The following RSPO3 variants were observed in gnomAD, a reference collection of about 807,000 sequenced individuals.
RSPO3 encodes R-spondin-3.
RSPO3 carries 17 observed loss-of-function variants against 36.5 expected under a neutral mutation model. The ratio of observed to expected loss-of-function variants is 0.47; its 90% CI spans 0.32 to 0.70. The LOEUF (loss-of-function observed/expected upper bound fraction) is 0.70, where lower values mean the gene tolerates loss of function less well. RSPO3 is among the 30% of genes least tolerant of loss of function. The pLI, the probability that RSPO3 is intolerant of heterozygous loss-of-function variation, is 0.04. For missense variants in RSPO3, 294 were observed against 322.5 expected (o/e 0.91, Z 0.68); for synonymous variants, 108 against 107.0 (o/e 1.01, Z -0.06).
intron 2 of RSPO3, 62 bp downstream of exon 2, chr6:127,148,901 G>T: frequency 8.1e-7 from 1 of 1,234,980 alleles, no homozygotes; most frequent in Non-Finnish European, 1.1e-6. Flanking sequence ...AGATTGAAAT[G>T]GCCTCTAATA....
intron 1 of RSPO3, among the ~76,000 whole-genome samples, chr6:127,145,537 ATATC>A (rs1774367737): frequency 6.6e-6 from 1 of 152,020 alleles, no homozygotes; most frequent in African/African-American, 2.4e-5. Context: ...GTTATTCCTT[ATATC>A]TTCATTCCCC....
intron 4 of RSPO3, among the ~76,000 whole-genome samples, chr6:127,183,528 C>T (rs1775230955): frequency 6.6e-6 from 1 of 151,986 alleles, no homozygotes; most frequent in South Asian, 2.1e-4. Context: ...GCATCTCTGT[C>T]TATGCCTGTC....
At chr6:127,153,397 T>G (rs1359896022) in intron 3 of RSPO3, among the ~76,000 whole-genome samples, 1 of 152,082 alleles carries the variant, frequency 6.6e-6, no homozygotes, top group East Asian at 1.9e-4. Flanking sequence ...ATTATAGGTT[T>G]ATTCTACAGT....
Position 127,197,321 on chromosome 6 carries a change from C to A in RSPO3, c.*1314C>A. ...TCCCTAGCTGATTTCACTGCTCCCC[C>A]TTCATTGCTTAGAAATGGGCATCAT... On this transcript the variant is annotated 3_prime_UTR_variant, in exon 5 of 5. Transcript: ENST00000356698. The A allele has an allele frequency of 6.9e-7, 1 of 1,440,076 alleles. No individual in the cohort carries two copies. The allele number at this position is 1,440,076 out of a possible 1,614,324, so 89.2% of individuals were successfully genotyped here. A position where few individuals can be genotyped will look rare whatever the true frequency, so the allele number is the denominator to read the frequency against.
chr6:127,197,450 G>C lies in RSPO3; in HGVS notation c.*1443G>C. On this transcript the variant is annotated 3_prime_UTR_variant, in exon 5 of 5. Transcript: ENST00000356698. ...GGGGATTGAAGTCACCCTAGCTGAAGGCCTCACCAGTGTTTCACAGAGGAC... is the reference window on the plus strand; with the variant it reads ...GGGGATTGAAGTCACCCTAGCTGAACGCCTCACCAGTGTTTCACAGAGGAC... 6.4e-7 allele frequency: 1 copy of C among 1,550,510 alleles called. No homozygotes were observed. Among genetic ancestry groups the C allele is most frequent in the Non-Finnish European group, 8.7e-7 (1 of 1,146,962 alleles).
chr6:127,158,457 T>C (rs1774639677), intron 4 of RSPO3, among the ~76,000 whole-genome samples: 1 of 152,144 alleles, frequency 6.6e-6, no homozygotes, highest in Admixed American at 6.5e-5. Context: ...GGTAGATAAC[T>C]CATATTTGGA....
rs1276214838 is a variant in RSPO3, at chr6:127,196,045, T to C, written c.*38T>C. ...GATTATTGTAGACTCATGATGCTGC[T>C]ATCTCAACCAGATGCCCAGGACAGG... is the stretch of plus-strand genomic sequence containing the variant. On this transcript the variant is annotated 3_prime_UTR_variant, in exon 5 of 5. Transcript: ENST00000356698. 1.3e-6 allele frequency: 2 copies of C among 1,514,416 alleles called. No individual in the cohort carries two copies. The highest frequency in any genetic ancestry group is 1.8e-6 in the Non-Finnish European group (2 of 1,124,094). The allele number at this position is 1,514,416 out of a possible 1,614,324, so 93.8% of individuals were successfully genotyped here.
chr6:127,136,884 C>T lies in RSPO3; in HGVS notation c.98-11764C>T, dbSNP rs557862092. Among the ~76,000 whole-genome samples the T allele has an allele frequency of 8.2e-4, 125 of 152,122 alleles. 1 individual carries two copies. The highest frequency in any genetic ancestry group is 1.2e-3 in the Non-Finnish European group (82 of 68,020). On this transcript the variant is annotated intron_variant, in intron 1 of 4. Coordinates refer to ENST00000356698, the MANE Select transcript of RSPO3 (RefSeq NM_032784.5). ...TATAGATGAGAGTCTTACTAGCTGACAATGTGAACTGGCAGATCTTTAACG... is the reference window on the plus strand; with the variant it reads ...TATAGATGAGAGTCTTACTAGCTGATAATGTGAACTGGCAGATCTTTAACG...
intron 4 of RSPO3, among the ~76,000 whole-genome samples, chr6:127,169,634 C>T (rs543118660): frequency 6.6e-6 from 1 of 151,858 alleles, no homozygotes; most frequent in Admixed American, 6.6e-5. Flanking sequence ...GTTAAAGTGA[C>T]TTTGCAGAAG....
intron 4 of RSPO3, among the ~76,000 whole-genome samples, chr6:127,189,752 T>C (rs1187289705): frequency 6.6e-6 from 1 of 152,214 alleles, no homozygotes; most frequent in African/African-American, 2.4e-5. Flanking sequence ...AAATTATTTT[T>C]CTTTGAATAA....
chr6:127,125,393 T>C (rs887793216), intron 1 of RSPO3, among the ~76,000 whole-genome samples: 2 of 152,180 alleles, frequency 1.3e-5, no homozygotes, highest in African/African-American at 4.8e-5. Flanking sequence ...GTTAAAGACC[T>C]GGGTTCCAGA....
chr6:127,179,836 C>T (rs1775145132), intron 4 of RSPO3, among the ~76,000 whole-genome samples: 1 of 151,752 alleles, frequency 6.6e-6, no homozygotes, highest in Admixed American at 6.6e-5. Flanking sequence ...AGCCTCAAAG[C>T]CTCAAGTGGC....
chr6:127,177,513 T>C (rs939274413), intron 4 of RSPO3, among the ~76,000 whole-genome samples: 2 of 151,832 alleles, frequency 1.3e-5, no homozygotes, highest in African/African-American at 4.8e-5. Context: ...CAATTTGAGA[T>C]TAGCACCAGA....
intron 1 of RSPO3, among the ~76,000 whole-genome samples, chr6:127,139,713 T>G (rs1015858880): frequency 3.3e-5 from 5 of 152,110 alleles, no homozygotes; most frequent in Non-Finnish European, 7.3e-5. Flanking sequence ...ACGCTGTTAT[T>G]ACCTACTAAC....
intron 4 of RSPO3, among the ~76,000 whole-genome samples, chr6:127,167,677 T>G (rs1276528140): frequency 6.6e-6 from 1 of 151,942 alleles, no homozygotes; most frequent in Admixed American, 6.6e-5. Context: ...TTGTTACATA[T>G]GTATACATGT....
intron 4 of RSPO3, among the ~76,000 whole-genome samples, chr6:127,178,290 A>G (rs550957416): frequency 6.6e-6 from 1 of 151,932 alleles, no homozygotes; most frequent in African/African-American, 2.4e-5. Flanking sequence ...TACCAAACTC[A>G]TAACAGAATA....
intron 3 of RSPO3, among the ~76,000 whole-genome samples, chr6:127,152,034 C>T (rs1039189698): frequency 1.3e-5 from 2 of 152,036 alleles, no homozygotes; most frequent in Non-Finnish European, 2.9e-5. Flanking sequence ...ACATTCAGTC[C>T]TGGAAAGGCT....
rs1433241628 is a variant in RSPO3 at position 127,195,737 on chromosome 6, G to T, written c.635-86G>T. The T allele has an allele frequency of 4.5e-6, 4 of 897,478 alleles. No homozygotes were observed. The East Asian group carries it at 1.1e-4, about 25-fold the overall frequency. The allele number at this position is 897,478 out of a possible 1,614,324, so 55.6% of individuals were successfully genotyped here. A position where few individuals can be genotyped will look rare whatever the true frequency, so the allele number is the denominator to read the frequency against. ...TCTATCATTATGATATATAATCTAAGAGAAATTTAAGTCATTTTTTAAAAT... is the reference window on the plus strand; with the variant it reads ...TCTATCATTATGATATATAATCTAATAGAAATTTAAGTCATTTTTTAAAAT... On this transcript the variant is annotated intron_variant, in intron 4 of 4. Coordinates refer to ENST00000356698, the MANE Select transcript of RSPO3 (RefSeq NM_032784.5).
intron 3 of RSPO3, 117 bp downstream of exon 3, chr6:127,150,689 T>G: frequency 7.9e-6 from 7 of 887,466 alleles, no homozygotes; most frequent in Non-Finnish European, 1.2e-5. Flanking sequence ...TCTTAAAGGC[T>G]GTCTCCATCC....
Sources: allele counts gnomAD v4.1 joint callset (sites outside exome capture counted in the v4.1 genomes callset), GRCh38; gene constraint gnomAD v4.1.1; transcripts MANE v1.5; gene names NCBI Gene and HGNC (gene_info 2026-07-23, HGNC 2026-07-21).